The following SH3RF2 variants were observed in gnomAD, a reference collection of about 807,000 sequenced individuals.
SH3RF2 encodes the protein SH3 domain containing ring finger 2, also known as E3 ubiquitin-protein ligase SH3RF2.
In SH3RF2, 43 loss-of-function variants were observed where a neutral mutation model predicts 59.0. That is an observed-to-expected ratio of 0.73 (90% confidence interval 0.57 to 0.94). The LOEUF (loss-of-function observed/expected upper bound fraction) is 0.94, where lower values mean the gene tolerates loss of function less well. SH3RF2 is among the 40% of genes least tolerant of loss of function. SH3RF2 has a pLI of 0.00. For synonymous variants in SH3RF2, 391 were observed against 391.5 expected (o/e 1.00, Z 0.01); for missense variants, 930 against 940.1 (o/e 0.99, Z 0.14).
chr5:145,978,394 C>T (rs1759378635), intron 2 of SH3RF2, among the ~76,000 whole-genome samples: 1 of 152,184 alleles, frequency 6.6e-6, no homozygotes, highest in Non-Finnish European at 1.5e-5. Flanking sequence ...ACGCCCCATC[C>T]TAGCTTCTCT....
intron 5 of SH3RF2, among the ~76,000 whole-genome samples, chr5:146,019,020 T>C (rs1761212765): frequency 6.6e-6 from 1 of 152,194 alleles, no homozygotes; most frequent in Non-Finnish European, 1.5e-5. Context: ...TAGTCCTTTG[T>C]CAAATGCATA....
rs769796027 is a variant in SH3RF2 at position 146,062,473 on chromosome 5, A to G, written c.1962A>G (p.Lys654=). 1.4e-5 allele frequency: 22 copies of G among 1,613,942 alleles called. No homozygotes were observed. The African/African-American group carries it at 2.0e-4, about 15-fold the overall frequency. ...RFQNYSPPPT[K]HYTSHPTSGK... is the part of the protein sequence containing the mutation. ...AGAATTACAGCCCTCCTCCCACCAAACATTACACCTCCCATCCCACCTCCG... is the reference window on the plus strand; with the variant it reads ...AGAATTACAGCCCTCCTCCCACCAAGCATTACACCTCCCATCCCACCTCCG... Residue 654 remains lysine, a synonymous_variant, in exon 10 of 10, where the codon AAA becomes AAG. Coordinates refer to ENST00000359120, the MANE Select transcript of SH3RF2 (RefSeq NM_152550.4).
intron 5 of SH3RF2, among the ~76,000 whole-genome samples, chr5:146,045,631 C>CA (rs1433112942): frequency 6.6e-6 from 1 of 152,188 alleles, no homozygotes; most frequent in Non-Finnish European, 1.5e-5. Context: ...TTTCAAGGTT[C>CA]ATCCATGTTC....
At chr5:146,032,282 C>T (rs1761769951) in intron 5 of SH3RF2, among the ~76,000 whole-genome samples, 1 of 152,138 alleles carries the variant, frequency 6.6e-6, no homozygotes, top group African/African-American at 2.4e-5. Context: ...GAACCAGCTA[C>T]CAAGACATGG....
chr5:145,953,272 G>A (rs1277323218), intron 2 of SH3RF2, among the ~76,000 whole-genome samples: 2 of 152,196 alleles, frequency 1.3e-5, no homozygotes, highest in Non-Finnish European at 2.9e-5. Flanking sequence ...ACCTCTCTAA[G>A]GGAGGCATTT....
chr5:146,064,583 G>GT (rs1478212986), downstream of SH3RF2, among the ~76,000 whole-genome samples: 42 of 8,434 alleles, frequency 5.0e-3, 1 homozygote, highest in Non-Finnish European at 0.017. Context: ...AAGGAAGGAA[G>GT]GGGGAGAGAG....
chr5:145,954,302 T>C (rs1404284470), intron 2 of SH3RF2, among the ~76,000 whole-genome samples: 1 of 152,280 alleles, frequency 6.6e-6, no homozygotes, highest in African/African-American at 2.4e-5. Flanking sequence ...ATTTCTCTAA[T>C]GATCAGCGAT....
chr5:146,015,450 T>TCA (rs372366663), intron 5 of SH3RF2, among the ~76,000 whole-genome samples: 7 of 151,172 alleles, frequency 4.6e-5, no homozygotes, highest in East Asian at 1.9e-4. Flanking sequence ...AAGTTCTCCT[T>TCA]CACACACACA....
chr5:145,980,991 A>C (rs1331067728), intron 2 of SH3RF2, among the ~76,000 whole-genome samples: 1 of 152,168 alleles, frequency 6.6e-6, no homozygotes, highest in African/African-American at 2.4e-5. Flanking sequence ...GCCTCTAGAA[A>C]ATGAAGATTC....
At chr5:146,044,139 GTTTTTTTTTGTTT>G (rs1487111362) in intron 5 of SH3RF2, among the ~76,000 whole-genome samples, 265 of 147,250 alleles carry the variant, frequency 1.8e-3, no homozygotes, top group African/African-American at 6.4e-3. Context: ...GTCCGTTTTT[GTTTTTTTTTGTTT>G]TTTTTTTTTT....
chr5:146,044,069 C>T (rs896752446), intron 5 of SH3RF2, among the ~76,000 whole-genome samples: 1 of 152,118 alleles, frequency 6.6e-6, no homozygotes, highest in Admixed American at 6.5e-5. Context: ...TTTGCATTCC[C>T]ATTGGAAGGG....
At chr5:146,016,396 ATG>A (rs1450315530) in intron 5 of SH3RF2, among the ~76,000 whole-genome samples, 16 of 151,834 alleles carry the variant, frequency 1.1e-4, no homozygotes, top group African/African-American at 7.3e-5. Flanking sequence ...GGATGGATGG[ATG>A]GATGGATAGA....
In SH3RF2 at chr5:146,002,529, G is replaced by A. The variant is rs144256974; in HGVS notation, c.649-1529G>A. ...GGAAGGAAGGAAGGAAGGAAGGAAG[G>A]AAGGAAGGATAACCTATAAATGCAT... is the stretch of plus-strand genomic sequence containing the variant. On this transcript the variant is annotated intron_variant, in intron 3 of 9. Coordinates refer to ENST00000359120, the MANE Select transcript of SH3RF2 (RefSeq NM_152550.4). Among the ~76,000 whole-genome samples the A allele has an allele frequency of 4.0e-3, 570 of 144,210 alleles. 4 individuals are homozygous for A. Among genetic ancestry groups the A allele is most frequent in the African/African-American group, 0.015 (540 of 36,842 alleles). 94.6% of individuals were successfully genotyped at this position (144,210 alleles called of 152,430 possible). A position where few individuals can be genotyped will look rare whatever the true frequency, so the allele number is the denominator to read the frequency against.
At chr5:145,972,599 T>C (rs1759131059) in intron 2 of SH3RF2, among the ~76,000 whole-genome samples, 1 of 152,206 alleles carries the variant, frequency 6.6e-6, no homozygotes, top group African/African-American at 2.4e-5. Flanking sequence ...CTAGATGTGA[T>C]ATCTCCTCTT....
intron 5 of SH3RF2, among the ~76,000 whole-genome samples, chr5:146,016,520 T>G (rs1219359290): frequency 3.3e-5 from 5 of 152,166 alleles, no homozygotes; most frequent in African/African-American, 1.2e-4. Context: ...ATTCTAAAAC[T>G]GTAATAAGAA....
At chr5:145,972,947 C>A (rs1007502122) in intron 2 of SH3RF2, among the ~76,000 whole-genome samples, 3 of 152,054 alleles carry the variant, frequency 2.0e-5, no homozygotes, top group African/African-American at 4.8e-5. Flanking sequence ...ACAAGAAGAA[C>A]CAAGGTATGA....
chr5:146,072,560 A>G (rs989837285), intron 9 of SH3RF2, among the ~76,000 whole-genome samples: 1 of 152,060 alleles, frequency 6.6e-6, no homozygotes, highest in Non-Finnish European at 1.5e-5. Context: ...AGTCCCAGCT[A>G]CTTGGGAGGC....
intron 4 of SH3RF2, among the ~76,000 whole-genome samples, chr5:146,006,690 G>C (rs1038034187): frequency 3.9e-5 from 6 of 152,160 alleles, no homozygotes; most frequent in African/African-American, 1.4e-4. Context: ...AGATCACAGA[G>C]GACTTCATAA....
At chr5:145,975,008 AC>A (rs755250155) in intron 2 of SH3RF2, among the ~76,000 whole-genome samples, 2 of 152,196 alleles carry the variant, frequency 1.3e-5, no homozygotes, top group Non-Finnish European at 2.9e-5. Context: ...TTTCTGGCCC[AC>A]CTGAGTTTCA....
Sources: gnomAD v4.1 joint callset for allele counts (sites outside exome capture counted in the v4.1 genomes callset) on GRCh38, gnomAD v4.1.1 for gene constraint, MANE v1.5 for transcripts, NCBI Gene and HGNC (gene_info 2026-07-23, HGNC 2026-07-21) for gene names.